The following AGBL4 variants were observed in gnomAD, a reference collection of about 807,000 sequenced individuals.
AGBL4 encodes the protein cytosolic carboxypeptidase 6.
In AGBL4, 58 loss-of-function variants were observed where a neutral mutation model predicts 66.4. That is an observed-to-expected ratio of 0.87 (90% CI 0.71 to 1.09). AGBL4 has a LOEUF of 1.09. AGBL4 is among the 50% of genes least tolerant of loss of function. The probability of loss-of-function intolerance (pLI) is 0.00; values close to 1 mark genes in which losing one functional copy is unlikely to be tolerated. For missense variants in AGBL4, 579 were observed against 631.0 expected (o/e 0.92, Z 0.88); for synonymous variants, 234 against 222.9 (o/e 1.05, Z -0.44).
At chr1:49,735,603 GA>G (rs1252623617) in intron 2 of AGBL4, among the ~76,000 whole-genome samples, 1 of 151,904 alleles carries the variant, frequency 6.6e-6, no homozygotes, top group Non-Finnish European at 1.5e-5. Flanking sequence ...AACAGGAAAT[GA>G]ATACATTTAC....
chr1:49,518,381 A>G (rs999744263), intron 3 of AGBL4, among the ~76,000 whole-genome samples: 6 of 152,078 alleles, frequency 3.9e-5, no homozygotes, highest in African/African-American at 1.4e-4. Context: ...ACCAATATTT[A>G]TTGAGCATTT....
At chr1:49,892,914 A>G (rs1648797570) in intron 1 of AGBL4, among the ~76,000 whole-genome samples, 1 of 151,960 alleles carries the variant, frequency 6.6e-6, no homozygotes, top group African/African-American at 2.4e-5. Context: ...CTCCTTTCTT[A>G]GCTACTTCAG....
chr1:49,410,879 G>A (rs1645301349), intron 3 of AGBL4, among the ~76,000 whole-genome samples: 2 of 152,144 alleles, frequency 1.3e-5, no homozygotes, highest in Non-Finnish European at 2.9e-5. Context: ...CTTATCAAAT[G>A]CTTACTATAT....
intron 3 of AGBL4, among the ~76,000 whole-genome samples, chr1:49,295,886 C>A (rs1644633901): frequency 1.3e-5 from 2 of 152,164 alleles, no homozygotes; most frequent in South Asian, 4.1e-4. Flanking sequence ...CTGAAGTGTT[C>A]AAGCCTCCAT....
At position 49,583,580 on chromosome 1, in the gene AGBL4, A is replaced by G. The variant is rs199882675; in HGVS notation, c.282+113733T>C. On this transcript the variant is annotated intron_variant, in intron 3 of 13. Coordinates refer to ENST00000371839, the MANE Select transcript of AGBL4 (RefSeq NM_032785.4). ...GGGGCAGTCTTATGGGTCTGAGCTCATAATCTGTGGTGTCTGCACTAATTC... is the reference window on the plus strand; with the variant it reads ...GGGGCAGTCTTATGGGTCTGAGCTCGTAATCTGTGGTGTCTGCACTAATTC... Among the ~76,000 whole-genome samples the G allele has an allele frequency of 2.6e-5, 4 of 152,134 alleles. No homozygotes were observed. The East Asian group carries it at 7.7e-4, about 29-fold the overall frequency.
intron 3 of AGBL4, among the ~76,000 whole-genome samples, chr1:49,409,074 A>T (rs1489549428): frequency 6.6e-6 from 1 of 151,062 alleles, no homozygotes; most frequent in East Asian, 2.0e-4. Flanking sequence ...AAATCTTTTC[A>T]TTCTAAATCC....
chr1:49,170,960 C>G (rs1021906230), intron 4 of AGBL4, among the ~76,000 whole-genome samples: 5 of 152,098 alleles, frequency 3.3e-5, no homozygotes, highest in Non-Finnish European at 5.9e-5. Context: ...ATGGCAAGGG[C>G]TCTTAATGTC....
At chr1:49,390,208 T>C (rs1644817569) in intron 3 of AGBL4, among the ~76,000 whole-genome samples, 1 of 152,240 alleles carries the variant, frequency 6.6e-6, no homozygotes, top group African/African-American at 2.4e-5. Context: ...ATTTTACCAC[T>C]GTAATTCTCA....
chr1:49,115,082 AAC>A (rs1449209280), intron 4 of AGBL4, among the ~76,000 whole-genome samples: 1 of 152,232 alleles, frequency 6.6e-6, no homozygotes, highest in African/African-American at 2.4e-5. Flanking sequence ...ACAAAAAACC[AAC>A]ACAGTATCTG....
chr1:49,356,954 T>C (rs1330339722), intron 3 of AGBL4, among the ~76,000 whole-genome samples: 1 of 152,102 alleles, frequency 6.6e-6, no homozygotes, highest in Non-Finnish European at 1.5e-5. Flanking sequence ...CACCCCAAAT[T>C]GGTGTCTCTG....
At chr1:49,400,625 C>T (rs768282867) in intron 3 of AGBL4, among the ~76,000 whole-genome samples, 1 of 151,792 alleles carries the variant, frequency 6.6e-6, no homozygotes, top group East Asian at 1.9e-4. Context: ...TTATTTGTGG[C>T]TATCATAAAA....
chr1:48,964,313 T>A (rs1658245112), intron 5 of AGBL4, among the ~76,000 whole-genome samples: 1 of 152,172 alleles, frequency 6.6e-6, no homozygotes, highest in Admixed American at 6.5e-5. Flanking sequence ...CACTCCTTGG[T>A]TTATCCAAAT....
chr1:49,779,260 C>T (rs1644276503), intron 2 of AGBL4, among the ~76,000 whole-genome samples: 1 of 152,080 alleles, frequency 6.6e-6, no homozygotes, highest in African/African-American at 2.4e-5. Flanking sequence ...TAAATGTGAT[C>T]CTAAATGTCA....
chr1:48,545,729 A>T (rs914927815), intron 11 of AGBL4, among the ~76,000 whole-genome samples: 2 of 152,210 alleles, frequency 1.3e-5, no homozygotes, highest in East Asian at 3.8e-4. Context: ...CAAAGCAATA[A>T]ACCAGGAGAA....
intron 8 of AGBL4, among the ~76,000 whole-genome samples, chr1:48,636,544 A>G (rs996049843): frequency 6.6e-6 from 1 of 152,244 alleles, no homozygotes; most frequent in Admixed American, 6.5e-5. Context: ...CTCAGAGTCC[A>G]AAATCTTACC....
Position 49,290,947 on chromosome 1 carries a change from C to G in AGBL4, c.283-45083G>C, listed in dbSNP as rs191384170. Among the ~76,000 whole-genome samples the G allele has an allele frequency of 1.9e-3, 284 of 152,264 alleles. 2 individuals are homozygous for G. Among genetic ancestry groups the G allele is most frequent in the African/African-American group, 6.5e-3 (269 of 41,562 alleles). ...ATAACTTGAGCCCAGGAGTTTGAGG[C>G]TGCAGTGCAGGAATACCACCACTGC... is the stretch of plus-strand genomic sequence containing the variant. On this transcript the variant is annotated intron_variant, in intron 3 of 13. Coordinates refer to ENST00000371839, the MANE Select transcript of AGBL4 (RefSeq NM_032785.4).
chr1:48,667,338 A>G (rs1646205066), intron 6 of AGBL4, among the ~76,000 whole-genome samples: 1 of 152,218 alleles, frequency 6.6e-6, no homozygotes, highest in African/African-American at 2.4e-5. Flanking sequence ...TTGCTATGTC[A>G]TAAAGGCACT....
At chr1:49,251,974 G>A (rs370106350) in intron 3 of AGBL4, among the ~76,000 whole-genome samples, 9 of 152,096 alleles carry the variant, frequency 5.9e-5, no homozygotes, top group Non-Finnish European at 8.8e-5. Context: ...GTGCAATAAC[G>A]CTGAAAACTC....
chr1:48,899,007 C>T (rs997058105), intron 5 of AGBL4, among the ~76,000 whole-genome samples: 2 of 152,244 alleles, frequency 1.3e-5, no homozygotes, highest in Non-Finnish European at 1.5e-5. Context: ...GATTGCGCTG[C>T]TTCCTCCAGA....
Sources: allele counts gnomAD v4.1 joint callset (sites outside exome capture counted in the v4.1 genomes callset), GRCh38; gene constraint gnomAD v4.1.1; transcripts MANE v1.5; gene names NCBI Gene and HGNC (gene_info 2026-07-23, HGNC 2026-07-21).